Variants in KIF24 observed in about 807,000 individuals in gnomAD.
KIF24 encodes kinesin-like protein KIF24.
KIF24 carries 81 observed loss-of-function variants against 118.9 expected under a neutral mutation model. That is an observed-to-expected ratio of 0.68 (90% CI 0.57 to 0.82). KIF24 has a LOEUF of 0.82. Among genes scored for constraint, KIF24 ranks in the 40% least tolerant of loss-of-function variants. The pLI is 0.00. For missense variants in KIF24, 1,560 were observed against 1,661.6 expected (o/e 0.94, Z 1.06); for synonymous variants, 599 against 610.0 (o/e 0.98, Z 0.27).
At chr9:34,309,540 C>CAA (rs397960934) in intron 2 of KIF24, among the ~76,000 whole-genome samples, 883 of 64,966 alleles carry the variant, frequency 0.014, 10 homozygotes, top group Middle Eastern at 0.023. Context: ...GACTCCGTCT[C>CAA]AAAAAAAAAA....
At chr9:34,269,636 G>A (rs2131701209) in intron 7 of KIF24, among the ~76,000 whole-genome samples, 1 of 152,046 alleles carries the variant, frequency 6.6e-6, no homozygotes, top group South Asian at 2.1e-4. Context: ...AGCCAGGATG[G>A]TCTCCATCTC....
chr9:34,323,150 ATACT>A (rs1453146629), intron 1 of KIF24, among the ~76,000 whole-genome samples: 1 of 137,230 alleles, frequency 7.3e-6, no homozygotes, highest in African/African-American at 2.5e-5. Flanking sequence ...AGAATATATG[ATACT>A]TAATAGAATT....
At chr9:34,286,811 G>A in intron 5 of KIF24, 107 bp from the exon 6 acceptor site, 1 of 758,446 alleles carries the variant, frequency 1.3e-6, no homozygotes, top group Non-Finnish European at 2.3e-6. Flanking sequence ...GCAGTTTTCT[G>A]TTTGAGTGGG....
chr9:34,257,291 T>C lies in KIF24; in HGVS notation c.2316A>G (p.Gln772=). The C allele has an allele frequency of 6.2e-7, 1 of 1,614,050 alleles. No homozygotes were observed. Among genetic ancestry groups the C allele is most frequent in the Non-Finnish European group, 8.5e-7 (1 of 1,179,898 alleles). The change falls in exon 11 of 13, where the codon CAA becomes CAG. Residue 772 remains glutamine (Q), a synonymous_variant. Transcript: ENST00000402558. ...EHLRFYHQQF[Q]QPPLLQQKLK... Reference sequence around the variant, plus strand: ...ACTTCTGTTGGAGGAGAGGTGGCTGTTGGAACTGCTGGTGATAGAAACGCA... The same window carrying C: ...ACTTCTGTTGGAGGAGAGGTGGCTGCTGGAACTGCTGGTGATAGAAACGCA...
chr9:34,277,256 G>A (rs946096982), intron 6 of KIF24, among the ~76,000 whole-genome samples: 1 of 151,970 alleles, frequency 6.6e-6, no homozygotes, highest in Non-Finnish European at 1.5e-5. Flanking sequence ...AGACAAGGGA[G>A]GTCTTAAACC....
At position 34,253,479 on chromosome 9, in the gene KIF24, C is replaced by T. The variant is rs1332878366; in HGVS notation, c.*901G>A. On this transcript the variant is annotated 3_prime_UTR_variant, in exon 13 of 13. Transcript: ENST00000402558. ...TGAACAGAGCACTCTGTTCAACTGC[C>T]AAGGTTCCCAACACAGACCCCTGAG... 6.6e-6 allele frequency: 1 copy of T among 152,176 alleles called. No homozygotes were observed. The highest frequency in any genetic ancestry group is 1.5e-5 in the Non-Finnish European group (1 of 68,054). 9.4% of individuals were successfully genotyped at this position (152,176 alleles called of 1,614,324 possible). A position where few individuals can be genotyped will look rare whatever the true frequency, so the allele number is the denominator to read the frequency against.
At chr9:34,305,491 G>A (rs1836877972) in intron 3 of KIF24, among the ~76,000 whole-genome samples, 1 of 152,220 alleles carries the variant, frequency 6.6e-6, no homozygotes, top group South Asian at 2.1e-4. Flanking sequence ...AGCAGAATGA[G>A]AAGTTCACAC....
rs556888560 is a variant in KIF24 at position 34,328,032 on chromosome 9, C to G, written c.-26+1074G>C. Among the ~76,000 whole-genome samples, 29 of 152,172 alleles carry G rather than the reference C, an allele frequency of 1.9e-4. No homozygotes were observed. The South Asian group carries it at 6.0e-3, about 32-fold the overall frequency. On this transcript the variant is annotated intron_variant, in intron 1 of 12. Transcript: ENST00000402558. Reference sequence around the variant, plus strand: ...ATAGCTGCTGTACTGAACTTTTTCACTCCTTTTATTAAGGCCACCAGTGAG... The same window carrying G: ...ATAGCTGCTGTACTGAACTTTTTCAGTCCTTTTATTAAGGCCACCAGTGAG...
upstream of KIF24, among the ~76,000 whole-genome samples, chr9:34,330,885 C>T (rs879593899): frequency 4.6e-5 from 7 of 151,884 alleles, no homozygotes; most frequent in Admixed American, 1.3e-4. Flanking sequence ...GGCACGAACC[C>T]GGGAGGCGGA....
At chr9:34,264,571 C>G (rs1835215582) in intron 8 of KIF24, among the ~76,000 whole-genome samples, 1 of 152,062 alleles carries the variant, frequency 6.6e-6, no homozygotes, top group South Asian at 2.1e-4. Context: ...TACCTCTATC[C>G]AAGAAGCTGC....
chr9:34,315,805 G>C (rs1398914533), intron 1 of KIF24, among the ~76,000 whole-genome samples: 1 of 152,158 alleles, frequency 6.6e-6, no homozygotes, highest in African/African-American at 2.4e-5. Context: ...AAGGCCAGGG[G>C]ATCACTTGAG....
chr9:34,286,027 G>A (rs1328719659), intron 6 of KIF24, among the ~76,000 whole-genome samples: 1 of 151,602 alleles, frequency 6.6e-6, no homozygotes, highest in Non-Finnish European at 1.5e-5. Flanking sequence ...AAACACATTA[G>A]CAGCATTTGA....
At chr9:34,268,434 G>A (rs924714399) in intron 8 of KIF24, among the ~76,000 whole-genome samples, 1 of 152,044 alleles carries the variant, frequency 6.6e-6, no homozygotes, top group African/African-American at 2.4e-5. Context: ...GGGATTACAG[G>A]CGTGAGCCAC....
At chr9:34,294,593 G>A (rs750159729) in intron 4 of KIF24, among the ~76,000 whole-genome samples, 2 of 151,972 alleles carry the variant, frequency 1.3e-5, no homozygotes, top group South Asian at 2.1e-4. Context: ...GTCCAAAGCC[G>A]GAAACAATGC....
intron 6 of KIF24, among the ~76,000 whole-genome samples, chr9:34,275,501 G>A (rs1305102647): frequency 6.6e-6 from 1 of 151,996 alleles, no homozygotes; most frequent in Non-Finnish European, 1.5e-5. Context: ...AGGAGTTTGA[G>A]ACCAGCCTGC....
In KIF24 at chr9:34,266,522, C is replaced by CA. The variant is rs537815532; in HGVS notation, c.1443+2734dup. On this transcript the variant is annotated intron_variant, in intron 8 of 12. Transcript: ENST00000402558. Reference sequence around the variant, plus strand: ...TGAAACCGGGTCTCTACTAAAAATACAAAAAATTAGCTGGTTGTGGTGGCA... The same window carrying CA: ...TGAAACCGGGTCTCTACTAAAAATACAAAAAAATTAGCTGGTTGTGGTGGCA... Among the ~76,000 whole-genome samples the CA allele has an allele frequency of 2.6e-3, 391 of 151,752 alleles. 1 individual carries two copies. The highest frequency in any genetic ancestry group is 3.4e-3 in the Middle Eastern group (1 of 294).
At chr9:34,278,174 C>T (rs1187536533) in intron 6 of KIF24, among the ~76,000 whole-genome samples, 2 of 151,910 alleles carry the variant, frequency 1.3e-5, no homozygotes, top group African/African-American at 4.8e-5. Context: ...TTTGGGAGGC[C>T]GAGGTGAGTG....
rs145235095 is a variant in KIF24 at position 34,256,670 on chromosome 9, G to A, written c.2937C>T (p.Ser979=). ...AGATAGTGAAACCATCTTCCTCTGG[G>A]GATGGCAAGTTGCCCTCATTCTCCC... is the stretch of plus-strand genomic sequence containing the variant. ...VSGENEGNLP[S]PEEDGFTISL... is the part of the protein sequence containing the mutation. The change falls in exon 11 of 13, where the codon TCC becomes TCT. Residue 979 remains serine (S), a synonymous_variant. Coordinates refer to ENST00000402558, the MANE Select transcript of KIF24 (RefSeq NM_194313.4). The A allele has an allele frequency of 7.3e-4, 1,180 of 1,613,890 alleles. 2 individuals carry two copies. Among genetic ancestry groups the A allele is most frequent in the Admixed American group, 1.3e-3 (77 of 60,010 alleles).
intron 7 of KIF24, among the ~76,000 whole-genome samples, chr9:34,270,474 C>G (rs552590294): frequency 6.7e-6 from 1 of 148,892 alleles, no homozygotes; most frequent in African/African-American, 2.5e-5. Flanking sequence ...CGAGATTGTG[C>G]TACTGCACTC....
Sources: allele counts gnomAD v4.1 joint callset (sites outside exome capture counted in the v4.1 genomes callset), GRCh38; gene constraint gnomAD v4.1.1; transcripts MANE v1.5; gene names NCBI Gene and HGNC (gene_info 2026-07-23, HGNC 2026-07-21).